Variants in LRRTM4 observed in about 807,000 individuals in gnomAD.
The protein encoded by LRRTM4 is leucine-rich repeat transmembrane neuronal protein 4.
Under a neutral mutation model 47.6 loss-of-function variants are expected in LRRTM4, and 25 were observed. The ratio of observed to expected loss-of-function variants is 0.53; its 90% CI spans 0.38 to 0.73. The LOEUF is 0.73. LRRTM4 is among the 30% of genes least tolerant of loss of function. The pLI is 0.00. For missense variants in LRRTM4, 638 were observed against 713.4 expected, an observed-to-expected ratio of 0.89 and a Z score of 1.20; for synonymous variants, 311 against 269.5, an observed-to-expected ratio of 1.15 and a Z score of -1.51.
At chr2:77,113,937 A>T (rs528346846) in intron 3 of LRRTM4, among the ~76,000 whole-genome samples, 1 of 152,166 alleles carries the variant, frequency 6.6e-6, no homozygotes, top group Non-Finnish European at 1.5e-5. Flanking sequence ...GGAAGCTGCA[A>T]GTAGCGGCTC....
intron 3 of LRRTM4, among the ~76,000 whole-genome samples, chr2:76,905,834 T>C (rs952828594): frequency 4.6e-5 from 7 of 151,958 alleles, no homozygotes; most frequent in Non-Finnish European, 2.9e-5. Flanking sequence ...CTCCAAGAAA[T>C]ATGGGACTTT....
intron 3 of LRRTM4, among the ~76,000 whole-genome samples, chr2:77,333,264 A>C (rs867889214): frequency 2.0e-4 from 30 of 152,322 alleles, no homozygotes; most frequent in African/African-American, 7.0e-4. Flanking sequence ...TTCTATACCC[A>C]AAAATTTGGA....
intron 3 of LRRTM4, among the ~76,000 whole-genome samples, chr2:77,183,474 C>G (rs1214772438): frequency 6.6e-6 from 1 of 152,148 alleles, no homozygotes; most frequent in Non-Finnish European, 1.5e-5. Context: ...TACTTTTACA[C>G]TGTTGGTGGG....
intron 3 of LRRTM4, among the ~76,000 whole-genome samples, chr2:77,226,885 A>G (rs1431201189): frequency 6.6e-6 from 1 of 151,988 alleles, no homozygotes; most frequent in African/African-American, 2.4e-5. Context: ...CAGAGTGCAT[A>G]CAGTGTACCT....
chr2:77,153,856 C>T (rs532959696), intron 3 of LRRTM4, among the ~76,000 whole-genome samples: 171 of 152,128 alleles, frequency 1.1e-3, no homozygotes, highest in Non-Finnish European at 1.6e-3. Context: ...ACTTTTGTCC[C>T]TAGTGAAAAA....
intron 3 of LRRTM4, among the ~76,000 whole-genome samples, chr2:77,105,064 A>T (rs1275806135): frequency 6.6e-6 from 1 of 152,128 alleles, no homozygotes; most frequent in African/African-American, 2.4e-5. Flanking sequence ...AAAAGAAAAA[A>T]AAAATCATGA....
At chr2:76,784,071 A>G (rs1320153504) in intron 3 of LRRTM4, among the ~76,000 whole-genome samples, 1 of 152,236 alleles carries the variant, frequency 6.6e-6, no homozygotes, top group South Asian at 2.1e-4. Flanking sequence ...TTATTTTTAA[A>G]TGTTGTATTT....
At chr2:77,064,442 C>CA (rs1218873219) in intron 3 of LRRTM4, among the ~76,000 whole-genome samples, 2 of 152,140 alleles carry the variant, frequency 1.3e-5, no homozygotes, top group Non-Finnish European at 2.9e-5. Flanking sequence ...AAGTAGATTT[C>CA]AAAGTTGGCA....
rs552834784 is a variant in LRRTM4, at chr2:77,510,452, T to C, written c.1551+7866A>G. Among the ~76,000 whole-genome samples the C allele has an allele frequency of 1.1e-3, 173 of 152,228 alleles. 2 individuals are homozygous for C. Among genetic ancestry groups the C allele is most frequent in the African/African-American group, 3.8e-3 (159 of 41,568 alleles). On this transcript the variant is annotated intron_variant, in intron 3 of 3. Transcript: ENST00000409884. ...AGGCTTTGCCTAATGACATTTTATT[T>C]TAAGAGAAGGCAACTAAACAACAAT... is the stretch of plus-strand genomic sequence containing the variant.
intron 3 of LRRTM4, among the ~76,000 whole-genome samples, chr2:77,195,642 A>C (rs956914853): frequency 2.6e-5 from 4 of 152,188 alleles, no homozygotes; most frequent in African/African-American, 9.6e-5. Context: ...ATATAAAATC[A>C]TGAAACCATG....
intron 3 of LRRTM4, among the ~76,000 whole-genome samples, chr2:77,172,393 G>A (rs138275275): frequency 1.3e-5 from 2 of 151,994 alleles, no homozygotes; most frequent in East Asian, 1.9e-4. Context: ...TCAGGAGTTC[G>A]AGACTAGCCT....
At chr2:77,211,487 C>G (rs146963233) in intron 3 of LRRTM4, among the ~76,000 whole-genome samples, 1 of 152,286 alleles carries the variant, frequency 6.6e-6, no homozygotes, top group African/African-American at 2.4e-5. Flanking sequence ...ATTGGCCCAA[C>G]TTCCAATCCA....
intron 3 of LRRTM4, among the ~76,000 whole-genome samples, chr2:77,477,933 AAGAAAG>A (rs1677493920): frequency 6.8e-6 from 1 of 147,688 alleles, no homozygotes; most frequent in East Asian, 2.0e-4. Context: ...GAAAGAAAGA[AAGAAAG>A]AAAGAAAGAA....
Position 77,512,558 on chromosome 2 carries a change from T to C in LRRTM4, c.1551+5760A>G, listed in dbSNP as rs1016681498. Among the ~76,000 whole-genome samples, 4 of 152,148 alleles carry C rather than the reference T, an allele frequency of 2.6e-5. No individual in the cohort carries two copies. The South Asian group carries it at 6.2e-4, about 24-fold the overall frequency. ...TCAAAACTCTCAGTGTCTAGTGATA[T>C]ACAGGTTGCTTCTGCTTCACTTTGA... is the stretch of plus-strand genomic sequence containing the variant. On this transcript the variant is annotated intron_variant, in intron 3 of 3. Transcript: ENST00000409884.
At chr2:77,075,146 A>T (rs957550375) in intron 3 of LRRTM4, among the ~76,000 whole-genome samples, 2 of 152,196 alleles carry the variant, frequency 1.3e-5, no homozygotes, top group Admixed American at 6.5e-5. Flanking sequence ...GTTTCTGCTA[A>T]TACCTGGTAA....
chr2:77,520,753 C>T (rs918447001), intron 2 of LRRTM4, among the ~76,000 whole-genome samples: 5 of 152,108 alleles, frequency 3.3e-5, no homozygotes, highest in African/African-American at 1.2e-4. Context: ...GATCTCTTCA[C>T]ATTTCTCACT....
At chr2:77,123,327 T>C (rs2103959845) in intron 3 of LRRTM4, among the ~76,000 whole-genome samples, 1 of 152,110 alleles carries the variant, frequency 6.6e-6, no homozygotes, top group East Asian at 1.9e-4. Flanking sequence ...ACTTTCCTAT[T>C]GAACTCCATT....
chr2:77,364,970 G>A (rs1231968857), intron 3 of LRRTM4, among the ~76,000 whole-genome samples: 1 of 151,994 alleles, frequency 6.6e-6, no homozygotes, highest in African/African-American at 2.4e-5. Context: ...TCCTACCAGT[G>A]AGAAGGATTC....
intron 3 of LRRTM4, among the ~76,000 whole-genome samples, chr2:77,172,533 G>T (rs760573482): frequency 1.8e-4 from 28 of 152,200 alleles, no homozygotes; most frequent in Non-Finnish European, 3.4e-4. Context: ...GGTGGAGGTT[G>T]CAGTGAGCCA....
Sources: gnomAD v4.1 joint callset for allele counts (sites outside exome capture counted in the v4.1 genomes callset) on GRCh38, gnomAD v4.1.1 for gene constraint, MANE v1.5 for transcripts, NCBI Gene and HGNC (gene_info 2026-07-23, HGNC 2026-07-21) for gene names.